The following NBEAL1 variants were observed in gnomAD, a reference collection of about 807,000 sequenced individuals.
The protein encoded by NBEAL1 is neurobeachin-like protein 1.
In NBEAL1, 273 loss-of-function variants were observed where a neutral mutation model predicts 351.3. That is an observed-to-expected ratio of 0.78 (90% CI 0.70 to 0.86). The LOEUF (loss-of-function observed/expected upper bound fraction) is 0.86. Among genes scored for constraint, NBEAL1 ranks in the 40% least tolerant of loss-of-function variants. The pLI, the probability that NBEAL1 is intolerant of heterozygous loss-of-function variation, is 0.00. For synonymous variants in NBEAL1, 1,050 were observed against 1,086.4 expected, an observed-to-expected ratio of 0.97 and a Z score of 0.66; for missense variants, 2,961 against 3,201.3, an observed-to-expected ratio of 0.92 and a Z score of 1.81.
chr2:203,084,802 A>T (rs774072393), intron 10 of NBEAL1: 5 of 331,186 alleles, frequency 1.5e-5, no homozygotes, highest in Non-Finnish European at 2.7e-5. Flanking sequence ...ATTTCAGTTC[A>T]TGACATATAT....
At chr2:203,075,658 G>A (rs1428574493) in intron 7 of NBEAL1, among the ~76,000 whole-genome samples, 1 of 152,132 alleles carries the variant, frequency 6.6e-6, no homozygotes, top group African/African-American at 2.4e-5. Flanking sequence ...CAGTTGCCTG[G>A]GCCTCTCTGA....
intron 51 of NBEAL1, among the ~76,000 whole-genome samples, chr2:203,205,195 T>A (rs1017475362): frequency 6.6e-6 from 1 of 152,136 alleles, no homozygotes; most frequent in African/African-American, 2.4e-5. Flanking sequence ...TTTGGTAACT[T>A]TATAGTTTTA....
intron 2 of NBEAL1, among the ~76,000 whole-genome samples, chr2:203,032,438 A>G (rs2060964324): frequency 6.6e-6 from 1 of 151,848 alleles, no homozygotes. Context: ...CGGGCAGATC[A>G]TGGGGTCAGG....
intron 2 of NBEAL1, among the ~76,000 whole-genome samples, chr2:203,030,823 C>G (rs764948589): frequency 3.9e-5 from 6 of 152,002 alleles, no homozygotes; most frequent in Non-Finnish European, 7.4e-5. Context: ...GACCAGACTG[C>G]GCAACATAGT....
intron 19 of NBEAL1, among the ~76,000 whole-genome samples, chr2:203,123,342 CT>C (rs556349216): frequency 0.094 from 13,012 of 138,882 alleles, 539 homozygotes; most frequent in Non-Finnish European, 0.13. Context: ...TTTCTTTTTT[CT>C]TTTTTTTTTT....
Position 203,213,595 on chromosome 2 carries a change from T to C in NBEAL1, c.8012T>C (p.Ile2671Thr), listed in dbSNP as rs374318984. 4.3e-6 allele frequency: 7 copies of C among 1,614,012 alleles called. No individual in the cohort carries two copies. Among genetic ancestry groups the C allele is most frequent in the Non-Finnish European group, 5.9e-6 (7 of 1,179,990 alleles). ...TGTGTCACCAAAGAATACAGCCATA[T>C]TCTTGTAGGTTTAGAAGATGGCAAA... ...CVCVTKEYSHILVGLEDGKLI... is the reference protein window; with the variant it reads ...CVCVTKEYSHTLVGLEDGKLI... The change falls in exon 55 of 56, where the codon ATT (isoleucine) becomes ACT (threonine). Residue 2671 changes from isoleucine (I) to threonine (T), a missense_variant. Transcript: ENST00000683969.
At chr2:203,116,216 G>A (rs1323910696) in intron 18 of NBEAL1, 146 bp downstream of exon 18, 1 of 643,682 alleles carries the variant, frequency 1.6e-6, no homozygotes, top group Non-Finnish European at 2.7e-6. Context: ...TCAAAGGAAG[G>A]TGAGAAGCAG....
chr2:203,037,793 C>A (rs2061063568), intron 2 of NBEAL1, among the ~76,000 whole-genome samples: 1 of 148,376 alleles, frequency 6.7e-6, no homozygotes, highest in South Asian at 2.1e-4. Flanking sequence ...CCTGTCTCTA[C>A]AAAAAATACA....
At chr2:203,076,985 T>A (rs2061786492) in intron 7 of NBEAL1, among the ~76,000 whole-genome samples, 1 of 152,158 alleles carries the variant, frequency 6.6e-6, no homozygotes, top group African/African-American at 2.4e-5. Context: ...ACAAAAACAT[T>A]TCCTGGGTCC....
chr2:203,068,975 C>T (rs1158190878), intron 7 of NBEAL1, among the ~76,000 whole-genome samples: 1 of 152,128 alleles, frequency 6.6e-6, no homozygotes, highest in Non-Finnish European at 1.5e-5. Context: ...GGTGAACCAC[C>T]CACCTCAGCC....
chr2:203,015,283 G>A (rs533093523), intron 1 of NBEAL1, among the ~76,000 whole-genome samples: 1 of 152,304 alleles, frequency 6.6e-6, no homozygotes, highest in Admixed American at 6.5e-5. Context: ...ACACTTGGAT[G>A]CTTCTTTGGG....
intron 2 of NBEAL1, among the ~76,000 whole-genome samples, chr2:203,032,275 T>A (rs1463947544): frequency 1.3e-5 from 2 of 151,946 alleles, no homozygotes; most frequent in African/African-American, 4.8e-5. Flanking sequence ...TAAGAAACAG[T>A]GAGATAATAA....
chr2:203,164,184 C>T (rs2064057632), intron 36 of NBEAL1, among the ~76,000 whole-genome samples: 1 of 151,268 alleles, frequency 6.6e-6, no homozygotes, highest in Admixed American at 6.6e-5. Context: ...TTTGTACAAT[C>T]TTTGAGAGAA....
intron 2 of NBEAL1, among the ~76,000 whole-genome samples, chr2:203,035,208 A>C (rs1298861658): frequency 6.7e-6 from 1 of 149,344 alleles, no homozygotes; most frequent in Non-Finnish European, 1.5e-5. Flanking sequence ...TTAAGTAATC[A>C]CATGTGACTA....
At chr2:203,192,023 A>G (rs1203273345) in intron 46 of NBEAL1, among the ~76,000 whole-genome samples, 1 of 152,222 alleles carries the variant, frequency 6.6e-6, no homozygotes, top group Non-Finnish European at 1.5e-5. Context: ...TTACAACAGT[A>G]GTGTATCTAA....
intron 34 of NBEAL1, 24 bp downstream of exon 34, chr2:203,149,172 G>C: frequency 6.4e-7 from 1 of 1,554,880 alleles, no homozygotes; most frequent in East Asian, 2.3e-5. Context: ...ATTTTATTAA[G>C]TACTCCTTTT....
Position 203,201,550 on chromosome 2 carries a change from C to A in NBEAL1, c.7246C>A (p.Arg2416Ser). 6.3e-7 allele frequency: 1 copy of A among 1,576,826 alleles called. No homozygotes were observed. The highest frequency in any genetic ancestry group is 1.2e-5 in the South Asian group (1 of 84,246). Residue 2416 changes from arginine to serine, a missense_variant, in exon 50 of 56, where the codon CGC becomes AGC. By Grantham distance (110) the Arg-to-Ser change is moderately radical. Transcript: ENST00000683969. The part of the protein sequence containing the change: ...DQTVTNPKTQ[R>S]SINGSFAPGL... ...ATTTAATTGTGTTTACAGAACTCAG[C>A]GCAGTATAAATGGTTCTTTTGCTCC...
intron 54 of NBEAL1, among the ~76,000 whole-genome samples, chr2:203,211,499 T>C (rs528966940): frequency 3.3e-5 from 5 of 152,066 alleles, no homozygotes; most frequent in African/African-American, 1.2e-4. Flanking sequence ...CTTTAAAAAT[T>C]AGCTGAGCAT....
At chr2:203,124,787 G>A (rs1344620531) in intron 19 of NBEAL1, among the ~76,000 whole-genome samples, 1 of 152,126 alleles carries the variant, frequency 6.6e-6, no homozygotes, top group Non-Finnish European at 1.5e-5. Context: ...TGAAGTGGGT[G>A]TTACTATTAT....
Sources: allele counts gnomAD v4.1 joint callset (sites outside exome capture counted in the v4.1 genomes callset), GRCh38; gene constraint gnomAD v4.1.1; transcripts MANE v1.5; gene names NCBI Gene and HGNC (gene_info 2026-07-23, HGNC 2026-07-21).